The following LNX1 variants were observed in gnomAD, a reference collection of about 807,000 sequenced individuals.
The protein encoded by LNX1 is ligand of numb-protein X 1, also known as E3 ubiquitin-protein ligase LNX.
A neutral mutation model predicts 68.4 loss-of-function variants in LNX1; 54 were observed. That is an observed-to-expected ratio of 0.79 (90% CI 0.63 to 0.99). The LOEUF is 0.99. Ranked by LOEUF, LNX1 falls within the 50% of genes least tolerant of loss-of-function variation. The pLI is 0.00. For synonymous variants in LNX1, 336 were observed against 350.0 expected, an observed-to-expected ratio of 0.96 and a Z score of 0.45; for missense variants, 906 against 926.4, an observed-to-expected ratio of 0.98 and a Z score of 0.29.
intron 9 of LNX1, among the ~76,000 whole-genome samples, chr4:53,469,390 A>G (rs1722969081): frequency 6.6e-6 from 1 of 152,264 alleles, no homozygotes; most frequent in Admixed American, 6.5e-5. Context: ...AGAAAGCAGG[A>G]AAGATCTAAA....
intron 2 of LNX1, among the ~76,000 whole-genome samples, chr4:53,542,941 T>C (rs1728866107): frequency 6.6e-6 from 1 of 152,198 alleles, no homozygotes; most frequent in South Asian, 2.1e-4. Context: ...CTAACGTGGT[T>C]CTCACTTGCT....
intron 9 of LNX1, among the ~76,000 whole-genome samples, chr4:53,475,590 T>C (rs1180045033): frequency 6.6e-6 from 1 of 152,248 alleles, no homozygotes; most frequent in East Asian, 1.9e-4. Flanking sequence ...CTTTCATTTT[T>C]CCATATTTAG....
chr4:53,545,356 GGCCCTACTGAATT>G (rs916658159), intron 2 of LNX1, among the ~76,000 whole-genome samples: 4 of 152,078 alleles, frequency 2.6e-5, no homozygotes, highest in African/African-American at 9.7e-5. Flanking sequence ...CCCCCAACCT[GGCCCTACTGAATT>G]ATAAAGGTGT....
At chr4:53,605,746 T>A (rs1357338188) in intron 2 of LNX1, among the ~76,000 whole-genome samples, 1 of 152,242 alleles carries the variant, frequency 6.6e-6, no homozygotes, top group Non-Finnish European at 1.5e-5. Flanking sequence ...TTGTCACAAA[T>A]GAGAGGATCT....
chr4:53,522,900 T>C (rs1394733147), intron 2 of LNX1: 1 of 152,238 alleles, frequency 6.6e-6, no homozygotes, highest in Admixed American at 6.5e-5. Context: ...TCAATCTTTT[T>C]TCTATGCATA....
chr4:53,622,954 A>T (rs1368161816), intron 1 of LNX1, among the ~76,000 whole-genome samples: 1 of 152,210 alleles, frequency 6.6e-6, no homozygotes, highest in African/African-American at 2.4e-5. Flanking sequence ...GAGTGAATAC[A>T]GTTGCACAAG....
intron 9 of LNX1, among the ~76,000 whole-genome samples, chr4:53,468,491 A>T (rs1199374168): frequency 6.6e-6 from 1 of 152,180 alleles, no homozygotes; most frequent in East Asian, 1.9e-4. Flanking sequence ...CACACATAAC[A>T]ATATTCACCT....
upstream of LNX1, among the ~76,000 whole-genome samples, chr4:53,621,686 TGGCTATG>T (rs1239796294): frequency 2.6e-5 from 4 of 152,288 alleles, no homozygotes; most frequent in Admixed American, 2.6e-4. Flanking sequence ...GACTGGGAAG[TGGCTATG>T]GGTCAAAATC....
rs528901535 is a variant in LNX1, at chr4:53,615,539, T to C, written c.-215+978A>G. On this transcript the variant is annotated intron_variant, in intron 2 of 3. Coordinates refer to the LNX1 transcript ENST00000504299. ...AATCGCCAGAGCCAACTCCCAGACA[T>C]GAGTGAGGCAATTCTGTACATTCTA... 3.9e-5 allele frequency among the ~76,000 whole-genome samples: 6 copies of C among 152,194 alleles called. No individual in the cohort carries two copies. In the South Asian group the frequency reaches 1.2e-3, roughly 32 times the overall value.
intron 1 of LNX1, among the ~76,000 whole-genome samples, chr4:53,625,201 A>T (rs913173162): frequency 2.0e-5 from 3 of 152,178 alleles, no homozygotes; most frequent in Non-Finnish European, 2.9e-5. Context: ...GAAAAGCACA[A>T]ACAGAAGAAA....
intron 1 of LNX1, among the ~76,000 whole-genome samples, chr4:53,584,910 T>C (rs373950311): frequency 1.3e-5 from 2 of 152,338 alleles, no homozygotes; most frequent in East Asian, 3.9e-4. Context: ...CACATTTGCT[T>C]ACTCAAAACA....
intron 9 of LNX1, among the ~76,000 whole-genome samples, chr4:53,469,283 T>G (rs1308919634): frequency 4.6e-5 from 7 of 152,190 alleles, no homozygotes; most frequent in African/African-American, 1.4e-4. Context: ...AGATGTTCTT[T>G]GAAACCAACG....
intron 1 of LNX1, among the ~76,000 whole-genome samples, chr4:53,622,509 C>T (rs2109861512): frequency 6.6e-6 from 1 of 152,144 alleles, no homozygotes; most frequent in Non-Finnish European, 1.5e-5. Context: ...ACTCTCTCAC[C>T]CCAGGGCTAG....
chr4:53,544,842 C>G (rs1728995470), intron 2 of LNX1, among the ~76,000 whole-genome samples: 1 of 152,182 alleles, frequency 6.6e-6, no homozygotes, highest in Non-Finnish European at 1.5e-5. Flanking sequence ...GCAATGACAT[C>G]ATAACAGAGA....
intron 1 of LNX1, among the ~76,000 whole-genome samples, chr4:53,639,825 G>T (rs1447802302): frequency 2.0e-5 from 3 of 152,018 alleles, no homozygotes; most frequent in Non-Finnish European, 4.4e-5. Context: ...TGACGTCAGG[G>T]ATTTGAGACC....
Position 53,532,022 on chromosome 4 carries a change from A to C in LNX1, c.381-23795T>G, listed in dbSNP as rs566672169. Among the ~76,000 whole-genome samples, 12 of 152,364 alleles carry C rather than the reference A, an allele frequency of 7.9e-5. No individual in the cohort carries two copies. In the East Asian group the frequency reaches 2.3e-3, roughly 29 times the overall value. On this transcript the variant is annotated intron_variant, in intron 2 of 10. Transcript: ENST00000263925. Reference sequence around the variant, plus strand: ...GCTCTGGTGCAGCTGTAAGAAATATACAAGACAAAAGCTGACACCCCAAGC... The same window carrying C: ...GCTCTGGTGCAGCTGTAAGAAATATCCAAGACAAAAGCTGACACCCCAAGC...
chr4:53,559,091 T>C (rs1377725622), intron 2 of LNX1, among the ~76,000 whole-genome samples: 2 of 152,138 alleles, frequency 1.3e-5, no homozygotes, highest in African/African-American at 4.8e-5. Context: ...ATTCATCACA[T>C]TAATGACAGC....
intron 9 of LNX1, among the ~76,000 whole-genome samples, chr4:53,475,616 T>A (rs1723512437): frequency 1.3e-5 from 2 of 152,248 alleles, no homozygotes; most frequent in African/African-American, 4.8e-5. Flanking sequence ...TGCTAGTATA[T>A]CTTCAGTGAT....
At chr4:53,526,939 A>G (rs1727651060) in intron 2 of LNX1, among the ~76,000 whole-genome samples, 1 of 152,056 alleles carries the variant, frequency 6.6e-6, no homozygotes, top group African/African-American at 2.4e-5. Flanking sequence ...TGTAAGAGAC[A>G]CAATCATTAT....
Sources: allele counts gnomAD v4.1 joint callset (sites outside exome capture counted in the v4.1 genomes callset), GRCh38; gene constraint gnomAD v4.1.1; transcripts MANE v1.5; gene names NCBI Gene and HGNC (gene_info 2026-07-23, HGNC 2026-07-21).